The following PTPRD variants were observed in gnomAD, a reference collection of about 807,000 sequenced individuals.
PTPRD encodes the protein receptor-type tyrosine-protein phosphatase delta.
A neutral mutation model predicts 214.5 loss-of-function variants in PTPRD; 34 were observed. The observed-to-expected ratio is 0.16, with a 90% CI of 0.12 to 0.21. The LOEUF is 0.21. Ranked by LOEUF, PTPRD falls within the 10% of genes least tolerant of loss-of-function variation. The probability of loss-of-function intolerance (pLI) is 1.00; values close to 1 mark genes in which losing one functional copy is unlikely to be tolerated. For missense variants in PTPRD, 2,545 were observed against 2,398.7 expected, an observed-to-expected ratio of 1.06 and a Z score of -1.27; for synonymous variants, 1,128 against 845.7, an observed-to-expected ratio of 1.33 and a Z score of -5.79.
At chr9:8,974,492 T>A (rs1589152634) in intron 11 of PTPRD, among the ~76,000 whole-genome samples, 1 of 152,030 alleles carries the variant, frequency 6.6e-6, no homozygotes, top group Admixed American at 6.6e-5. Flanking sequence ...TGGTTTGCTG[T>A]ACCCATCAAC....
At chr9:8,779,753 G>T (rs1274285742) in intron 11 of PTPRD, among the ~76,000 whole-genome samples, 1 of 151,226 alleles carries the variant, frequency 6.6e-6, no homozygotes, top group Non-Finnish European at 1.5e-5. Flanking sequence ...TTTTGTGAAT[G>T]CTGCAGTCAG....
At chr9:9,972,585 T>C (rs1386269271) in intron 4 of PTPRD, among the ~76,000 whole-genome samples, 2 of 152,186 alleles carry the variant, frequency 1.3e-5, no homozygotes, top group African/African-American at 2.4e-5. Flanking sequence ...ATTACAAATA[T>C]AGTAGCTTGA....
rs376716831 is a variant in PTPRD, at chr9:8,759,920, C to T, written c.-103-25974G>A. ...CTTCGATTTACTATCCTCTAACTGA[C>T]AGGACCTATCCAGACACTGTTTGTT... On this transcript the variant is annotated intron_variant, in intron 11 of 45. Transcript: ENST00000381196. Among the ~76,000 whole-genome samples, 65 of 152,318 alleles carry T rather than the reference C, an allele frequency of 4.3e-4. No homozygotes were observed. In the South Asian group the frequency reaches 6.4e-3, roughly 15 times the overall value.
intron 39 of PTPRD, among the ~76,000 whole-genome samples, chr9:8,352,431 A>G (rs1307478623): frequency 6.6e-6 from 1 of 152,162 alleles, no homozygotes; most frequent in Non-Finnish European, 1.5e-5. Context: ...TGTAAACCAT[A>G]CCAGCTCACT....
intron 7 of PTPRD, among the ~76,000 whole-genome samples, chr9:9,676,184 G>C (rs2096925390): frequency 1.3e-5 from 2 of 152,100 alleles, no homozygotes; most frequent in East Asian, 1.9e-4. Flanking sequence ...GTGCAGGTTA[G>C]TTACGTATGT....
chr9:9,343,175 G>C (rs568268112), intron 9 of PTPRD, among the ~76,000 whole-genome samples: 1 of 152,060 alleles, frequency 6.6e-6, no homozygotes, highest in Non-Finnish European at 1.5e-5. Flanking sequence ...CTATTGTGTA[G>C]TGCTGCAATA....
chr9:10,140,966 A>T (rs11534142), intron 3 of PTPRD, among the ~76,000 whole-genome samples: 34,981 of 151,590 alleles, frequency 0.23, 4,189 homozygotes, highest in South Asian at 0.39. Flanking sequence ...AATAAATGTA[A>T]TCCAGCATAT....
intron 11 of PTPRD, chr9:8,962,129 G>C (rs2099161797): frequency 6.6e-6 from 1 of 152,032 alleles, no homozygotes; most frequent in Non-Finnish European, 1.5e-5. Flanking sequence ...TTTAGCTCTT[G>C]TTATGTGCTA....
At chr9:9,836,479 G>A (rs10117487) in intron 5 of PTPRD, among the ~76,000 whole-genome samples, 59,554 of 151,916 alleles carry the variant, frequency 0.39, 13,448 homozygotes, top group East Asian at 0.82. Flanking sequence ...ACCAAATCTC[G>A]CCTGACTACT....
chr9:9,742,111 T>C (rs1035095014), intron 6 of PTPRD, among the ~76,000 whole-genome samples: 2 of 152,154 alleles, frequency 1.3e-5, no homozygotes, highest in African/African-American at 4.8e-5. Context: ...TAGTGTGAAA[T>C]GGTATCTCAT....
chr9:10,478,089 T>C (rs776683326), intron 2 of PTPRD, among the ~76,000 whole-genome samples: 23 of 152,008 alleles, frequency 1.5e-4, no homozygotes, highest in Non-Finnish European at 2.8e-4. Flanking sequence ...GGTACATGTA[T>C]ACCTATGTAA....
At chr9:8,701,341 T>A (rs1441089562) in intron 12 of PTPRD, 5 of 151,744 alleles carry the variant, frequency 3.3e-5, no homozygotes, top group African/African-American at 1.2e-4. Context: ...TGTTAATGCA[T>A]AATAATTTCC....
intron 14 of PTPRD, among the ~76,000 whole-genome samples, chr9:8,536,977 C>G (rs1209961049): frequency 1.3e-5 from 2 of 151,920 alleles, no homozygotes; most frequent in Non-Finnish European, 2.9e-5. Flanking sequence ...CAAACAAGGA[C>G]CACCATTTTC....
intron 4 of PTPRD, among the ~76,000 whole-genome samples, chr9:9,945,904 T>C (rs2092475576): frequency 6.6e-6 from 1 of 152,164 alleles, no homozygotes; most frequent in Admixed American, 6.6e-5. Flanking sequence ...TTTTAAAAGA[T>C]GGTTACTGAC....
intron 2 of PTPRD, among the ~76,000 whole-genome samples, chr9:10,591,017 A>C (rs12005827): frequency 0.088 from 13,407 of 151,982 alleles, 727 homozygotes; most frequent in Middle Eastern, 0.14. Flanking sequence ...GTGGATAAAA[A>C]TGAGGTCATA....
intron 12 of PTPRD, among the ~76,000 whole-genome samples, chr9:8,704,856 G>A (rs145756789): frequency 0.13 from 19,149 of 151,816 alleles, 1,304 homozygotes; most frequent in East Asian, 0.22. Flanking sequence ...CCGGGAGGTG[G>A]AGGTTGCAGT....
At chr9:8,374,786 G>C (rs1400554688) in intron 39 of PTPRD, among the ~76,000 whole-genome samples, 1 of 151,940 alleles carries the variant, frequency 6.6e-6, no homozygotes, top group African/African-American at 2.4e-5. Flanking sequence ...TGCTGGAAAA[G>C]AGAAACTTTA....
intron 9 of PTPRD, among the ~76,000 whole-genome samples, chr9:9,252,564 C>G (rs1188036417): frequency 6.6e-6 from 1 of 152,016 alleles, no homozygotes; most frequent in Non-Finnish European, 1.5e-5. Context: ...CTCATTGCAG[C>G]CTTGACTCCT....
chr9:8,793,379 T>C (rs1014759577), intron 11 of PTPRD, among the ~76,000 whole-genome samples: 1 of 152,158 alleles, frequency 6.6e-6, no homozygotes, highest in East Asian at 1.9e-4. Context: ...CAAACTTCCA[T>C]CTTGGAAAAA....
Sources: allele counts gnomAD v4.1 joint callset (sites outside exome capture counted in the v4.1 genomes callset), GRCh38; gene constraint gnomAD v4.1.1; transcripts MANE v1.5; gene names NCBI Gene and HGNC (gene_info 2026-07-23, HGNC 2026-07-21).